The following WWOX variants were observed in gnomAD, a reference collection of about 807,000 sequenced individuals.
WWOX encodes the protein WW domain containing oxidoreductase.
A neutral mutation model predicts 46.2 loss-of-function variants in WWOX; 69 were observed. The ratio of observed to expected loss-of-function variants is 1.49; its 90% CI spans 1.23 to 1.82. The LOEUF is 1.82. Ranked by LOEUF, WWOX falls within the 40% of genes most tolerant of loss-of-function variation. WWOX has a pLI of 0.00. For missense variants in WWOX, 919 were observed against 542.6 expected (o/e 1.69, Z -6.89); for synonymous variants, 359 against 202.6 (o/e 1.77, Z -6.56).
intron 8 of WWOX, among the ~76,000 whole-genome samples, chr16:78,865,319 C>T (rs2043980335): frequency 1.3e-5 from 2 of 152,094 alleles, no homozygotes; most frequent in Non-Finnish European, 2.9e-5. Context: ...TGTAAGACAA[C>T]TTGCAAGACT....
intron 8 of WWOX, among the ~76,000 whole-genome samples, chr16:78,951,682 C>T (rs569331565): frequency 6.6e-6 from 1 of 152,180 alleles, no homozygotes; most frequent in Non-Finnish European, 1.5e-5. Flanking sequence ...GAATTCAGGA[C>T]TGCGGTTCTA....
intron 8 of WWOX, among the ~76,000 whole-genome samples, chr16:78,464,906 A>G (rs989675332): frequency 1.2e-4 from 19 of 152,226 alleles, no homozygotes; most frequent in African/African-American, 4.6e-4. Flanking sequence ...GGTAATTTAT[A>G]AAGAAAAAGA....
At chr16:78,397,104 C>G (rs145844777) in intron 6 of WWOX, among the ~76,000 whole-genome samples, 1 of 152,118 alleles carries the variant, frequency 6.6e-6, no homozygotes, top group African/African-American at 2.4e-5. Context: ...AATTTCAATT[C>G]TTTGAAGAAA....
chr16:78,335,994 G>C (rs1597500077), intron 5 of WWOX, among the ~76,000 whole-genome samples: 1 of 151,740 alleles, frequency 6.6e-6, no homozygotes, highest in Admixed American at 6.6e-5. Flanking sequence ...TGGAAGGCTG[G>C]GGCAGGAGAA....
chr16:78,681,841 G>A (rs1484378101), intron 8 of WWOX, among the ~76,000 whole-genome samples: 2 of 152,216 alleles, frequency 1.3e-5, no homozygotes, highest in African/African-American at 4.8e-5. Flanking sequence ...CAACTTTGGT[G>A]TGAGACTCCG....
At chr16:78,175,898 A>T (rs1396930681) in intron 5 of WWOX, among the ~76,000 whole-genome samples, 1 of 152,198 alleles carries the variant, frequency 6.6e-6, no homozygotes, top group Non-Finnish European at 1.5e-5. Context: ...TAAGACATGT[A>T]TACTTACCCA....
intron 8 of WWOX, among the ~76,000 whole-genome samples, chr16:79,138,109 G>A (rs945194646): frequency 2.6e-4 from 40 of 152,172 alleles, no homozygotes; most frequent in Admixed American, 1.6e-3. Flanking sequence ...CACAGCAGGG[G>A]CCACAGCCAG....
intron 5 of WWOX, among the ~76,000 whole-genome samples, chr16:78,334,827 CACACAT>C (rs757188965): frequency 0.069 from 7,561 of 110,230 alleles, 220 homozygotes; most frequent in South Asian, 0.11. Context: ...CACACACACA[CACACAT>C]ACACACACAC....
intron 8 of WWOX, among the ~76,000 whole-genome samples, chr16:78,622,238 C>T (rs1237728575): frequency 6.6e-6 from 1 of 152,090 alleles, no homozygotes; most frequent in Non-Finnish European, 1.5e-5. Context: ...TCTGACCCTA[C>T]TCTGATAAAA....
Position 78,672,930 on chromosome 16 carries a change from T to C in WWOX, c.1056+240178T>C, listed in dbSNP as rs60760862. Among the ~76,000 whole-genome samples, 326 of 152,344 alleles carry C rather than the reference T, an allele frequency of 2.1e-3. 1 individual carries two copies. The highest frequency in any genetic ancestry group is 7.5e-3 in the African/African-American group (310 of 41,576). ...GCTGTGCCTTCCTCCTTCGTCTCTC[T>C]GGCGGTGACCTTGTGCAATCCATAA... On this transcript the variant is annotated intron_variant, in intron 8 of 8. Transcript: ENST00000566780.
chr16:78,953,604 C>T (rs2046106777), intron 8 of WWOX, among the ~76,000 whole-genome samples: 1 of 152,192 alleles, frequency 6.6e-6, no homozygotes, highest in South Asian at 2.1e-4. Flanking sequence ...ACTGTTGCCT[C>T]AATGCCCAGC....
intron 6 of WWOX, among the ~76,000 whole-genome samples, chr16:78,414,400 A>G (rs910740737): frequency 2.0e-5 from 3 of 152,054 alleles, no homozygotes; most frequent in African/African-American, 7.2e-5. Flanking sequence ...GAAACCCTGC[A>G]TCTACTAAAA....
At chr16:78,254,516 T>TTTTTTTTTG (rs1436220393) in intron 5 of WWOX, among the ~76,000 whole-genome samples, 3 of 139,212 alleles carry the variant, frequency 2.2e-5, no homozygotes, top group African/African-American at 8.4e-5. Flanking sequence ...TTTTTTTTTT[T>TTTTTTTTTG]TTTGTTTGAC....
At chr16:78,723,199 A>G (rs1446452755) in intron 8 of WWOX, among the ~76,000 whole-genome samples, 1 of 152,190 alleles carries the variant, frequency 6.6e-6, no homozygotes, top group Non-Finnish European at 1.5e-5. Context: ...AGGCTTTCTT[A>G]GCAGCTACAG....
At chr16:78,563,084 A>G (rs919671548) in intron 8 of WWOX, among the ~76,000 whole-genome samples, 7 of 152,072 alleles carry the variant, frequency 4.6e-5, no homozygotes, top group Non-Finnish European at 1.0e-4. Context: ...TACAGCATAC[A>G]TACTAATCAG....
intron 1 of WWOX, among the ~76,000 whole-genome samples, chr16:78,100,746 C>T (rs770425046): frequency 1.3e-5 from 2 of 152,206 alleles, no homozygotes; most frequent in African/African-American, 2.4e-5. Context: ...CACATAGCAC[C>T]GTGTCTAGTA....
At chr16:79,001,484 A>G (rs1177943613) in intron 8 of WWOX, among the ~76,000 whole-genome samples, 1 of 152,196 alleles carries the variant, frequency 6.6e-6, no homozygotes, top group Admixed American at 6.5e-5. Context: ...GTTTAAGGCA[A>G]TTATATAGTG....
At chr16:78,949,170 TCCTGGAG>T (rs2151299966) in intron 8 of WWOX, among the ~76,000 whole-genome samples, 1 of 152,274 alleles carries the variant, frequency 6.6e-6, no homozygotes, top group Non-Finnish European at 1.5e-5. Flanking sequence ...GCAGATTCTT[TCCTGGAG>T]CCTCCAAAGA....
At chr16:78,510,622 A>G (rs1367914974) in intron 8 of WWOX, among the ~76,000 whole-genome samples, 1 of 152,228 alleles carries the variant, frequency 6.6e-6, no homozygotes, top group African/African-American at 2.4e-5. Flanking sequence ...TTGGGCACAA[A>G]TCCATGAAAG....
Sources: allele counts gnomAD v4.1 joint callset (sites outside exome capture counted in the v4.1 genomes callset), GRCh38; gene constraint gnomAD v4.1.1; transcripts MANE v1.5; gene names NCBI Gene and HGNC (gene_info 2026-07-23, HGNC 2026-07-21).